The following ZRANB1 variants were observed in gnomAD, a reference collection of about 807,000 sequenced individuals.
The protein encoded by ZRANB1 is ubiquitin thioesterase ZRANB1.
A neutral mutation model predicts 80.5 loss-of-function variants in ZRANB1; 16 were observed. That is an observed-to-expected ratio of 0.20 (90% CI 0.13 to 0.30). ZRANB1 has a LOEUF of 0.30. Ranked by LOEUF, ZRANB1 falls within the 10% of genes least tolerant of loss-of-function variation. ZRANB1 has a pLI of 1.00. For synonymous variants in ZRANB1, 291 were observed against 293.1 expected, an observed-to-expected ratio of 0.99 and a Z score of 0.07; for missense variants, 576 against 862.6, an observed-to-expected ratio of 0.67 and a Z score of 4.16.
chr10:124,935,888 T>G, the ZRANB1 span, among the ~76,000 whole-genome samples: 1 of 151,992 alleles, frequency 6.6e-6, no homozygotes, highest in Non-Finnish European at 1.5e-5. Flanking sequence ...AGGATGTGAG[T>G]GACATAGGAA....
chr10:124,962,127 A>G (rs11245446), intron 1 of ZRANB1, among the ~76,000 whole-genome samples: 35,748 of 152,194 alleles, frequency 0.23, 5,354 homozygotes, highest in Middle Eastern at 0.42. Flanking sequence ...AATGCTTATG[A>G]TATAAAAAAG....
intron 1 of ZRANB1, among the ~76,000 whole-genome samples, chr10:124,963,537 G>GTTTTTTTTGTTTGTTTGTTTTTTTTT (rs1951751226): frequency 1.1e-5 from 1 of 93,476 alleles, no homozygotes; most frequent in African/African-American, 3.6e-5. Context: ...ATATTGTAAG[G>GTTTTTTTTGTTTGTTTGTTTTTTTTT]TTTTTTTTTT....
intron 1 of ZRANB1, among the ~76,000 whole-genome samples, chr10:124,953,728 T>G (rs182299993): frequency 1.8e-3 from 280 of 152,352 alleles, no homozygotes; most frequent in Admixed American, 3.2e-3. Flanking sequence ...TTCTGTGGAT[T>G]GCTTTGCAGT....
At chr10:124,981,098 AT>A (rs1468527772) in intron 5 of ZRANB1, among the ~76,000 whole-genome samples, 1 of 152,234 alleles carries the variant, frequency 6.6e-6, no homozygotes, top group Admixed American at 6.5e-5. Flanking sequence ...GAGCATAATT[AT>A]TTCTGAATTT....
chr10:124,962,308 C>A, intron 1 of ZRANB1: 1 of 870,782 alleles, frequency 1.1e-6, no homozygotes. Flanking sequence ...TTGTGCCAGC[C>A]GACTCCAGGT....
At chr10:124,957,452 T>A (rs983471477) in intron 1 of ZRANB1, among the ~76,000 whole-genome samples, 4 of 152,188 alleles carry the variant, frequency 2.6e-5, no homozygotes, top group African/African-American at 9.6e-5. Context: ...AAGTGTATAT[T>A]ATTAGCATTG....
At chr10:124,968,584 C>T (rs944985714) in intron 2 of ZRANB1, among the ~76,000 whole-genome samples, 2 of 152,102 alleles carry the variant, frequency 1.3e-5, no homozygotes, top group African/African-American at 2.4e-5. Context: ...TTTCTAGTGT[C>T]GAAGGCCTGG....
the ZRANB1 span, among the ~76,000 whole-genome samples, chr10:124,922,775 G>T: frequency 6.6e-6 from 1 of 152,000 alleles, no homozygotes; most frequent in South Asian, 2.1e-4. Flanking sequence ...ACAGGCGTGA[G>T]CCACTGTGCC....
At chr10:124,919,613 C>CTTT in the ZRANB1 span, among the ~76,000 whole-genome samples, 31 of 131,608 alleles carry the variant, frequency 2.4e-4, no homozygotes, top group African/African-American at 3.2e-4. Context: ...CCTCCTCCTC[C>CTTT]TTTTTTTTTT....
chr10:124,937,481 C>T (rs1390372434), upstream of ZRANB1, among the ~76,000 whole-genome samples: 1 of 147,918 alleles, frequency 6.8e-6, no homozygotes, highest in Non-Finnish European at 1.5e-5. Flanking sequence ...CCATTGCGCC[C>T]CACCGAGAAT....
In ZRANB1 at chr10:124,973,669, T is replaced by C. The variant is rs371567256; in HGVS notation, c.1181T>C (p.Val394Ala). Residue 394 changes from valine to alanine, a missense_variant, in exon 4 of 9, where the codon GTC (valine) becomes GCC (alanine). Around this residue, in one of 3 missense-constraint regions of ZRANB1, gnomAD observed 411 missense variants for 583.1 expected, o/e 0.70. Transcript: ENST00000359653. ...GATATTGAAGATTTGCCCCCAACAG[T>C]CCAAGAAAAATTATTTGATGAGGTG... Reference protein sequence around the residue: ...PADIEDLPPTVQEKLFDEVLD... With the variant: ...PADIEDLPPTAQEKLFDEVLD... 40 of 1,612,498 alleles carry C rather than the reference T, an allele frequency of 2.5e-5. No homozygotes were observed. The highest frequency in any genetic ancestry group is 3.1e-5 in the Non-Finnish European group (36 of 1,179,590).
intron 1 of ZRANB1, among the ~76,000 whole-genome samples, chr10:124,953,506 C>T (rs1951660308): frequency 6.6e-6 from 1 of 152,152 alleles, no homozygotes; most frequent in African/African-American, 2.4e-5. Flanking sequence ...AATAAATATG[C>T]CTGTATGAAG....
intron 5 of ZRANB1, among the ~76,000 whole-genome samples, chr10:124,975,691 A>G (rs1338258839): frequency 2.0e-5 from 3 of 152,150 alleles, no homozygotes; most frequent in Non-Finnish European, 4.4e-5. Context: ...CTTGAGAGCT[A>G]AATTGTAGAT....
At chr10:124,935,548 G>A in the ZRANB1 span, among the ~76,000 whole-genome samples, 1 of 152,192 alleles carries the variant, frequency 6.6e-6, no homozygotes, top group Non-Finnish European at 1.5e-5. Context: ...CTTCCACAAG[G>A]TTCCATCAGG....
chr10:124,966,492 A>G, intron 1 of ZRANB1, 102 bp from the exon 2 acceptor site: 1 of 1,126,916 alleles, frequency 8.9e-7, no homozygotes, highest in Non-Finnish European at 1.3e-6. Context: ...GGATCCAGGA[A>G]GCACAGAGAA....
At chr10:124,952,243 T>A (rs780836653) in intron 1 of ZRANB1, among the ~76,000 whole-genome samples, 11 of 152,128 alleles carry the variant, frequency 7.2e-5, no homozygotes, top group Non-Finnish European at 1.6e-4. Context: ...TAAAGGTTGC[T>A]TAAATGGCAG....
At chr10:124,923,264 C>T in the ZRANB1 span, among the ~76,000 whole-genome samples, 1 of 149,704 alleles carries the variant, frequency 6.7e-6, no homozygotes, top group African/African-American at 2.5e-5. Flanking sequence ...GGCGACAGAG[C>T]AAGACTCTGT....
the ZRANB1 span, among the ~76,000 whole-genome samples, chr10:124,917,970 G>A: frequency 2.0e-5 from 3 of 152,142 alleles, no homozygotes; most frequent in Non-Finnish European, 4.4e-5. Flanking sequence ...GTTAAGCCTG[G>A]AAGTTTGAAC....
chr10:124,940,580 G>A, upstream of ZRANB1: 1 of 1,262,554 alleles, frequency 7.9e-7, no homozygotes, highest in Non-Finnish European at 1.0e-6. Flanking sequence ...CTATTAAGTA[G>A]TATACTTTCT....
Sources: gnomAD v4.1 joint callset for allele counts (sites outside exome capture counted in the v4.1 genomes callset) on GRCh38, gnomAD v4.1.1 for gene constraint, gnomAD v4.1.1 regional missense constraint, MANE v1.5 for transcripts, NCBI Gene and HGNC (gene_info 2026-07-23, HGNC 2026-07-21) for gene names.